The following RAPGEF3 variants were observed in gnomAD, a reference collection of about 807,000 sequenced individuals.
RAPGEF3 encodes Rap guanine nucleotide exchange factor 3, also known as 9330170P05Rik.
Under a neutral mutation model 129.8 loss-of-function variants are expected in RAPGEF3, and 103 were observed. The ratio of observed to expected loss-of-function variants is 0.79; its 90% CI spans 0.68 to 0.93. The LOEUF (loss-of-function observed/expected upper bound fraction) is 0.93. RAPGEF3 is among the 40% of genes least tolerant of loss of function. The probability of loss-of-function intolerance (pLI) is 0.00; values close to 1 mark genes in which losing one functional copy is unlikely to be tolerated. For missense variants in RAPGEF3, 1,117 were observed against 1,207.4 expected (o/e 0.93, Z 1.11); for synonymous variants, 436 against 482.6 (o/e 0.90, Z 1.26).
Position 47,740,756 on chromosome 12 carries a change from C to T in RAPGEF3, c.2117G>A (p.Arg706His), listed in dbSNP as rs367938428. ...LRDVTTANLERFMRRFNELQY... is the reference protein window; with the variant it reads ...LRDVTTANLEHFMRRFNELQY... ...CAGCTCATTGAAGCGGCGCATGAAG[C>T]GCTCCAGGTTGGCGGTGGTGACATC... The change falls in exon 21 of 28, where the codon CGC (arginine) becomes CAC (histidine). Residue 706 changes from arginine to histidine, a missense_variant. Coordinates refer to ENST00000449771, the MANE Select transcript of RAPGEF3 (RefSeq NM_001098531.4). The T allele has an allele frequency of 4.2e-5, 67 of 1,614,052 alleles. No individual in the cohort carries two copies. The highest frequency in any genetic ancestry group is 1.3e-4 in the African/African-American group (10 of 75,050).
intron 24 of RAPGEF3, 55 bp downstream of exon 24, chr12:47,739,088 G>C: frequency 7.0e-7 from 1 of 1,427,234 alleles, no homozygotes; most frequent in Non-Finnish European, 9.8e-7. Flanking sequence ...GGGGGAAATG[G>C]GGGATGGAGG....
At position 47,749,346 on chromosome 12, in the gene RAPGEF3, T is replaced by C. The variant is rs776541530; in HGVS notation, c.1041+44A>G. 6.2e-7 allele frequency: 1 copy of C among 1,606,208 alleles called. No individual in the cohort carries two copies. Among genetic ancestry groups the C allele is most frequent in the South Asian group, 1.1e-5 (1 of 91,040 alleles). On this transcript the variant is annotated intron_variant, in intron 10 of 27. Coordinates refer to ENST00000449771, the MANE Select transcript of RAPGEF3 (RefSeq NM_001098531.4). The surrounding 1 kb of genome is among the most constrained non-coding windows in gnomAD (Gnocchi z 4.5). The stretch of plus-strand genomic sequence containing the variant: ...CCTACTCCTCTCTCCACATCACTTC[T>C]CTGGACGAATGGCCCCTGCCCTCCC...
At chr12:47,751,290 G>C in intron 5 of RAPGEF3, 74 bp from the exon 6 acceptor site, 2 of 1,559,682 alleles carry the variant, frequency 1.3e-6, no homozygotes, top group Non-Finnish European at 1.7e-6. Flanking sequence ...CCACTGCGAT[G>C]CCACCCCTCA....
chr12:47,758,510 C>T, intron 1 of RAPGEF3, 41 bp downstream of exon 1: 1 of 1,608,780 alleles, frequency 6.2e-7, no homozygotes, highest in Non-Finnish European at 8.5e-7. Context: ...CCTCTCCCGC[C>T]CTCTCCTGCT....
At chr12:47,741,706 C>T (rs754476850) in intron 18 of RAPGEF3, 104 bp from the exon 19 acceptor site, 2 of 954,312 alleles carry the variant, frequency 2.1e-6, no homozygotes, top group Non-Finnish European at 3.3e-6. Flanking sequence ...GAGGTTGTTT[C>T]TCCTAGTAGC....
In RAPGEF3 at chr12:47,743,670, T is replaced by A. The variant is rs748096159; in HGVS notation, c.1685A>T (p.Tyr562Phe). 6.2e-7 allele frequency: 1 copy of A among 1,607,758 alleles called. No individual in the cohort carries two copies. Among genetic ancestry groups the A allele is most frequent in the African/African-American group, 1.3e-5 (1 of 74,796 alleles). The change falls in exon 18 of 28, where the codon TAT (tyrosine) becomes TTT (phenylalanine). Residue 562 changes from tyrosine to phenylalanine, a missense_variant. Physicochemically the swap from Tyr to Phe is conservative, Grantham distance 22 (BLOSUM62 3). Coordinates refer to ENST00000449771, the MANE Select transcript of RAPGEF3 (RefSeq NM_001098531.4). The part of the protein sequence containing the change: ...CAIQVGDKVP[Y>F]DICRPDHSVL... ...TGAGTGGTCTGGCCGGCAGATGTCA[T>A]AGGGGACTGAAGAGGAGACCAGACT...
intron 18 of RAPGEF3, chr12:47,741,921 C>CA (rs1941193204): frequency 2.8e-6 from 1 of 361,938 alleles, no homozygotes; most frequent in South Asian, 3.6e-5. Flanking sequence ...TTTCATAAGT[C>CA]AAATAAAATA....
chr12:47,752,652 G>C (rs11168225), intron 2 of RAPGEF3: 3,871 of 153,534 alleles, frequency 0.025, 72 homozygotes, highest in Non-Finnish European at 0.041. Flanking sequence ...GACTCATGAG[G>C]TTTTGGGAGA....
intron 18 of RAPGEF3, among the ~76,000 whole-genome samples, chr12:47,743,150 C>T (rs572261623): frequency 2.0e-5 from 3 of 152,304 alleles, no homozygotes; most frequent in Admixed American, 1.3e-4. Context: ...CACTATGTGC[C>T]GGGCACCATT....
chr12:47,744,033 G>A lies in RAPGEF3; in HGVS notation c.1632C>T (p.Asp544=), dbSNP rs779533338. 1.4e-5 allele frequency: 23 copies of A among 1,611,922 alleles called. No homozygotes were observed. Among genetic ancestry groups the A allele is most frequent in the East Asian group, 4.5e-5 (2 of 44,868 alleles). ...CACAGCTGCTGCCAGGAAGGGGCTC[G>A]TCCTGGTTGGGGAGCCAAACAGGCA... is the stretch of plus-strand genomic sequence containing the variant. ...RNLPVWLPNQ[D]EPLPGSSCAI... Residue 544 remains aspartate (D), a synonymous_variant, in exon 17 of 28, where the codon GAC becomes GAT. Coordinates refer to ENST00000449771, the MANE Select transcript of RAPGEF3 (RefSeq NM_001098531.4).
intron 24 of RAPGEF3, 177 bp from the exon 25 acceptor site, chr12:47,738,931 G>C: frequency 1.4e-6 from 1 of 697,558 alleles, no homozygotes; most frequent in Non-Finnish European, 2.5e-6. Flanking sequence ...AAGGCAGCCC[G>C]TATTTGTCTG....
At chr12:47,739,092 A>T in intron 24 of RAPGEF3, 51 bp downstream of exon 24, 11 of 1,362,194 alleles carry the variant, frequency 8.1e-6, no homozygotes, top group Non-Finnish European at 1.1e-5. Flanking sequence ...GAAATGGGGG[A>T]TGGAGGCAGG....
rs900827633 is a variant in RAPGEF3, at chr12:47,747,773, T to G, written c.1412A>C (p.Gln471Pro). 3 of 1,608,546 alleles carry G rather than the reference T, an allele frequency of 1.9e-6. No individual in the cohort carries two copies. The African/African-American group carries it at 4.0e-5, about 21-fold the overall frequency. The change falls in exon 14 of 28, where the codon CAG (glutamine) becomes CCG (proline). Residue 471 changes from glutamine to proline, a missense_variant. Around this residue, in one of 3 missense-constraint regions of RAPGEF3, gnomAD observed 643 missense variants for 673.4 expected, o/e 0.95. Transcript: ENST00000449771. ...KRQQILRLVS[Q>P]WVALYGSMLH... ...CATGGAGCCATACAGGGCCACCCAC[T>G]GGCTGACCAGCCGCAAGATCTGCTG...
chr12:47,737,993 C>A, intron 27 of RAPGEF3, 29 bp downstream of exon 27: 1 of 1,585,826 alleles, frequency 6.3e-7, no homozygotes, highest in South Asian at 1.1e-5. Context: ...CACCCCCTCC[C>A]TGCCCACCCA....
intron 2 of RAPGEF3, chr12:47,756,022 G>T (rs1205447464): frequency 6.6e-6 from 1 of 152,198 alleles, no homozygotes; most frequent in African/African-American, 2.4e-5. Context: ...GGGAGTGGCC[G>T]CCTGCCTCTA....
chr12:47,751,270 G>T (rs1157356204), intron 5 of RAPGEF3, 54 bp from the exon 6 acceptor site: 5 of 1,547,482 alleles, frequency 3.2e-6, no homozygotes, highest in African/African-American at 1.4e-5. Context: ...GGCTATGTGG[G>T]TATGAAACCC....
At chr12:47,744,125 A>C in intron 16 of RAPGEF3, 57 bp from the exon 17 acceptor site, 1 of 1,433,292 alleles carries the variant, frequency 7.0e-7, no homozygotes, top group Non-Finnish European at 9.7e-7. Context: ...GAGACCGTGG[A>C]GGGAGGGATT....
At chr12:47,754,969 C>T (rs1286482474) in intron 2 of RAPGEF3, among the ~76,000 whole-genome samples, 3 of 152,234 alleles carry the variant, frequency 2.0e-5, no homozygotes, top group African/African-American at 7.2e-5. Context: ...GAGACAGGCA[C>T]AGAGCCAGAC....
chr12:47,743,342 T>G (rs1941260922), intron 18 of RAPGEF3, among the ~76,000 whole-genome samples, 188 bp downstream of exon 18: 1 of 152,246 alleles, frequency 6.6e-6, no homozygotes, highest in African/African-American at 2.4e-5. Flanking sequence ...GCTCCAGAGC[T>G]CATGCTCTTA....
Sources: allele counts gnomAD v4.1 joint callset (sites outside exome capture counted in the v4.1 genomes callset), GRCh38; gene constraint gnomAD v4.1.1; regional missense constraint gnomAD v4.1.1; non-coding constraint Gnocchi (gnomAD v3.1); transcripts MANE v1.5; gene names NCBI Gene and HGNC (gene_info 2026-07-23, HGNC 2026-07-21).